CSMD2: variants seen among roughly 807,000 people sequenced by gnomAD.
CSMD2 encodes CUB and sushi domain-containing protein 2.
CSMD2 carries 130 observed loss-of-function variants against 398.5 expected under a neutral mutation model. The ratio of observed to expected loss-of-function variants is 0.33; its 90% CI spans 0.28 to 0.38. The LOEUF is 0.38. Among genes scored for constraint, CSMD2 ranks in the 10% least tolerant of loss-of-function variants. The pLI is 1.00. For missense variants in CSMD2, 3,829 were observed against 4,764.9 expected (o/e 0.80, Z 5.78); for synonymous variants, 1,828 against 1,908.5 (o/e 0.96, Z 1.10).
intron 5 of CSMD2, among the ~76,000 whole-genome samples, chr1:33,901,828 C>T (rs1220761251): frequency 2.6e-5 from 4 of 152,166 alleles, no homozygotes; most frequent in East Asian, 3.8e-4. Context: ...CCCAAACTCA[C>T]GCATAAGCCA....
chr1:33,630,823 A>T (rs1287053635), intron 32 of CSMD2, among the ~76,000 whole-genome samples: 1 of 152,196 alleles, frequency 6.6e-6, no homozygotes, highest in African/African-American at 2.4e-5. Flanking sequence ...CTTGGGCAAA[A>T]AGAGTAAACA....
rs903541980 is a variant in CSMD2, at chr1:34,085,748, C to T, written c.404+3229G>A. Among the ~76,000 whole-genome samples the T allele has an allele frequency of 5.3e-5, 8 of 152,010 alleles. No homozygotes were observed. The South Asian group carries it at 1.0e-3, about 20-fold the overall frequency. The stretch of plus-strand genomic sequence containing the variant: ...GCCTATTATTTAATAAAAATTAGAA[C>T]GTCATTTTATTTATAAACAGACTTG... On this transcript the variant is annotated intron_variant, in intron 2 of 70. Transcript: ENST00000373381.
In CSMD2 at chr1:33,656,834, G is replaced by C. The variant is rs115421754; in HGVS notation, c.4447+1112C>G. Among the ~76,000 whole-genome samples, 733 of 152,298 alleles carry C rather than the reference G, an allele frequency of 4.8e-3. 10 individuals carry two copies. Among genetic ancestry groups the C allele is most frequent in the African/African-American group, 0.017 (705 of 41,556 alleles). On this transcript the variant is annotated intron_variant, in intron 27 of 70. Transcript: ENST00000373381. ...CTAATTTCAGAGAGCTGTTGGGAAA[G>C]TTAAATGAGGTTATCTAAGTAAATG...
At position 33,542,755 on chromosome 1, in the gene CSMD2, T is replaced by C. The variant is rs779271790; in HGVS notation, c.9242A>G (p.Asn3081Ser). ...AGGGTCACTGCCTGTCCAGGTACCA[T>C]TGACCGAGCAGTGACGGCTGAGCAG... ...TGLLSRHCSVNGTWTGSDPEC... is the reference protein window; with the variant it reads ...TGLLSRHCSVSGTWTGSDPEC... The change falls in exon 58 of 71, where the codon AAT (asparagine) becomes AGT (serine). Residue 3081 changes from asparagine to serine, a missense_variant. Physicochemically the swap from Asn to Ser is conservative, Grantham distance 46 (BLOSUM62 1). Coordinates refer to ENST00000373381, the MANE Select transcript of CSMD2 (RefSeq NM_001281956.2). 28 of 1,613,894 alleles carry C rather than the reference T, an allele frequency of 1.7e-5. No individual in the cohort carries two copies. The highest frequency in any genetic ancestry group is 2.3e-5 in the Non-Finnish European group (27 of 1,179,998).
At chr1:33,529,002 C>A (rs1655021094) in intron 64 of CSMD2, among the ~76,000 whole-genome samples, 1 of 152,180 alleles carries the variant, frequency 6.6e-6, no homozygotes, top group Admixed American at 6.5e-5. Flanking sequence ...AATTCCAGCT[C>A]TCTAGTTTGC....
Position 33,600,959 on chromosome 1 carries a change from C to G in CSMD2, c.6762G>C (p.Met2254Ile). 6.2e-7 allele frequency: 1 copy of G among 1,614,174 alleles called. No homozygotes were observed. Among genetic ancestry groups the G allele is most frequent in the Non-Finnish European group, 8.5e-7 (1 of 1,180,040 alleles). ...ATGAACTCTGCACTGTTTTCTTGGC[C>G]ATGCTCCGGGTGAAGACGCCGAGCC... is the stretch of plus-strand genomic sequence containing the variant. ...APRLGVFTRS[M>I]AKKTVQSSSN... Residue 2254 changes from methionine to isoleucine, a missense_variant, in exon 44 of 71, where the codon ATG becomes ATC. Physicochemically the swap from Met to Ile is conservative, Grantham distance 10. Transcript: ENST00000373381.
chr1:33,537,920 C>T lies in CSMD2; in HGVS notation c.9632-311G>A, dbSNP rs145436317. Among the ~76,000 whole-genome samples the T allele has an allele frequency of 3.3e-5, 5 of 152,344 alleles. No homozygotes were observed. The highest frequency in any genetic ancestry group is 2.1e-4 in the South Asian group (1 of 4,830). ...ATTCAAAACTTTTTTTCCATTTTCA[C>T]GCACATTCTTTTCCAATCTTTGTTC... On this transcript the variant is annotated intron_variant, in intron 60 of 70. Coordinates refer to ENST00000373381, the MANE Select transcript of CSMD2 (RefSeq NM_001281956.2). This position sits in a 1 kb window ranked among gnomAD's most constrained non-coding sequence, Gnocchi z 4.6.
intron 25 of CSMD2, among the ~76,000 whole-genome samples, chr1:33,685,835 C>T (rs1326465509): frequency 6.6e-6 from 1 of 152,190 alleles, no homozygotes; most frequent in African/African-American, 2.4e-5. Context: ...TATTTCCCCA[C>T]TAGAATGTGA....
intron 3 of CSMD2, among the ~76,000 whole-genome samples, chr1:33,965,297 C>T (rs1645518240): frequency 6.6e-6 from 1 of 152,248 alleles, no homozygotes; most frequent in Non-Finnish European, 1.5e-5. Flanking sequence ...CCCTGATTTG[C>T]AGGGCCTCAT....
intron 3 of CSMD2, among the ~76,000 whole-genome samples, chr1:34,016,999 C>T (rs1482170238): frequency 6.6e-5 from 10 of 152,122 alleles, no homozygotes; most frequent in Admixed American, 6.6e-4. Context: ...TTAACTGGCA[C>T]TGTTTTCTTT....
chr1:33,628,249 A>C (rs546374042), intron 32 of CSMD2, among the ~76,000 whole-genome samples: 256 of 152,340 alleles, frequency 1.7e-3, no homozygotes, highest in African/African-American at 5.6e-3. Context: ...CTCAGAATCC[A>C]CAGAAAAAGG....
rs1230702421 is a variant in CSMD2 at position 33,664,777 on chromosome 1, T to A, written c.4053-1685A>T. The stretch of plus-strand genomic sequence containing the variant: ...AAGATTGCACCACTGCACTCCAGCC[T>A]GGGCGACACAGCGAGACTCCGTCTC... On this transcript the variant is annotated intron_variant, in intron 25 of 70. Transcript: ENST00000373381. 4.6e-5 allele frequency among the ~76,000 whole-genome samples: 7 copies of A among 152,156 alleles called. 1 individual carries two copies. Among genetic ancestry groups the A allele is most frequent in the Admixed American group, 4.6e-4 (7 of 15,280 alleles).
In CSMD2 at chr1:33,989,060, A is replaced by G. The variant is rs1004103746; in HGVS notation, c.517+43534T>C. The stretch of plus-strand genomic sequence containing the variant: ...TATATATATATATATATATATATAT[A>G]TATATATATGGATGCATAAACAAAT... On this transcript the variant is annotated intron_variant, in intron 3 of 70. Coordinates refer to ENST00000373381, the MANE Select transcript of CSMD2 (RefSeq NM_001281956.2). 8.3e-4 allele frequency among the ~76,000 whole-genome samples: 93 copies of G among 112,040 alleles called. No homozygotes were observed. The East Asian group carries it at 0.016, about 19-fold the overall frequency. The allele number at this position is 112,040 out of a possible 152,430, so 73.5% of individuals were successfully genotyped here.
intron 49 of CSMD2, among the ~76,000 whole-genome samples, chr1:33,576,149 A>T (rs560094867): frequency 4.6e-5 from 7 of 152,354 alleles, no homozygotes; most frequent in Admixed American, 6.5e-5. Context: ...TTAAGGAAAT[A>T]TGTAATATTC....
At chr1:34,091,264 T>C (rs1479149252) in intron 1 of CSMD2, among the ~76,000 whole-genome samples, 3 of 152,222 alleles carry the variant, frequency 2.0e-5, no homozygotes, top group African/African-American at 4.8e-5. Flanking sequence ...ATTAGGTACA[T>C]GGTAAATTCT....
chr1:33,823,125 C>G (rs932571249), intron 7 of CSMD2, among the ~76,000 whole-genome samples: 30 of 152,086 alleles, frequency 2.0e-4, no homozygotes, highest in African/African-American at 6.5e-4. Context: ...GCCCACCCGC[C>G]AAGCCACAAG....
intron 44 of CSMD2, among the ~76,000 whole-genome samples, chr1:33,589,435 T>C (rs1214483222): frequency 2.0e-5 from 3 of 152,224 alleles, no homozygotes; most frequent in African/African-American, 4.8e-5. Context: ...CTGGGAGAGA[T>C]AGTCGTCTGT....
chr1:33,633,708 C>T lies in CSMD2; in HGVS notation c.5087-173G>A, dbSNP rs1023008737. On this transcript the variant is annotated intron_variant, in intron 31 of 70. Coordinates refer to ENST00000373381, the MANE Select transcript of CSMD2 (RefSeq NM_001281956.2). This position sits in a 1 kb window ranked among gnomAD's most constrained non-coding sequence, Gnocchi z 5.0. ...GTGGCACAGTCTGGCAGTGGCCAGA[C>T]ACCCGGCACAGGGAGGCGGGGAGCT... Among the ~76,000 whole-genome samples, 1 of 152,140 alleles carries T rather than the reference C, an allele frequency of 6.6e-6. No homozygotes were observed. The highest frequency in any genetic ancestry group is 2.4e-5 in the African/African-American group (1 of 41,438).
At chr1:33,812,774 G>A (rs1170224065) in intron 9 of CSMD2, among the ~76,000 whole-genome samples, 6 of 152,216 alleles carry the variant, frequency 3.9e-5, no homozygotes, top group Admixed American at 3.9e-4. Context: ...GGCCTGGGAT[G>A]TGGTCAATAT....
Sources: gnomAD v4.1 joint callset for allele counts (sites outside exome capture counted in the v4.1 genomes callset) on GRCh38, gnomAD v4.1.1 for gene constraint, Gnocchi (gnomAD v3.1) non-coding constraint, MANE v1.5 for transcripts, NCBI Gene and HGNC (gene_info 2026-07-23, HGNC 2026-07-21) for gene names.